The following PASK variants were observed in gnomAD, a reference collection of about 807,000 sequenced individuals.
PASK encodes the protein PAS domain-containing serine/threonine-protein kinase.
A neutral mutation model predicts 121.0 loss-of-function variants in PASK; 110 were observed. The observed-to-expected ratio is 0.91, with a 90% CI of 0.78 to 1.06. The LOEUF (loss-of-function observed/expected upper bound fraction) is 1.06, where lower values mean the gene tolerates loss of function less well. PASK is among the 50% of genes least tolerant of loss of function. The probability of loss-of-function intolerance (pLI) is 0.00; values close to 1 mark genes in which losing one functional copy is unlikely to be tolerated. For missense variants in PASK, 1,643 were observed against 1,702.3 expected (o/e 0.97, Z 0.61); for synonymous variants, 686 against 717.8 (o/e 0.96, Z 0.71).
chr2:241,130,700 G>A (rs1161785809), intron 9 of PASK, among the ~76,000 whole-genome samples: 3 of 152,148 alleles, frequency 2.0e-5, no homozygotes, highest in African/African-American at 7.2e-5. Flanking sequence ...GCCACTCAAC[G>A]CGGACCCACA....
chr2:241,112,592 T>A lies in PASK; in HGVS notation c.3334-153A>T, dbSNP rs1349531074. ...AGGAAAGATTTTTCAATGCTGAAGA[T>A]ATGATTGGAAGCAAACAGGAAACAA... On this transcript the variant is annotated intron_variant, in intron 14 of 17. Coordinates refer to ENST00000234040, the MANE Select transcript of PASK (RefSeq NM_015148.4). The surrounding 1 kb of genome is among the most constrained non-coding windows in gnomAD (Gnocchi z 5.2). 4 of 613,288 alleles carry A rather than the reference T, an allele frequency of 6.5e-6. No individual in the cohort carries two copies. Among genetic ancestry groups the A allele is most frequent in the Admixed American group, 6.0e-5 (2 of 33,558 alleles). 38.0% of individuals were successfully genotyped at this position (613,288 alleles called of 1,614,324 possible).
chr2:241,120,108 T>C (rs1273465968), intron 12 of PASK, among the ~76,000 whole-genome samples: 1 of 152,004 alleles, frequency 6.6e-6, no homozygotes, highest in African/African-American at 2.4e-5. Context: ...GGAGAAAATA[T>C]TTGCAAATCA....
chr2:241,149,778 T>C, upstream of PASK: 1 of 1,536,122 alleles, frequency 6.5e-7, no homozygotes, highest in South Asian at 1.2e-5. Context: ...GGCTCGTTCA[T>C]GGGCCGGGTG....
At chr2:241,140,888 A>C in intron 2 of PASK, 135 bp from the exon 3 acceptor site, 1 of 706,948 alleles carries the variant, frequency 1.4e-6, no homozygotes, top group African/African-American at 1.8e-5. Context: ...CTGCACAGCT[A>C]ACACACACTC....
chr2:241,119,627 G>A (rs1302015129), intron 12 of PASK, among the ~76,000 whole-genome samples: 2 of 152,068 alleles, frequency 1.3e-5, no homozygotes, highest in Admixed American at 6.5e-5. Context: ...CCGCCACCAC[G>A]CCCGGCTAAT....
intron 2 of PASK, among the ~76,000 whole-genome samples, chr2:241,142,004 ACACT>A (rs1408983626): frequency 6.6e-6 from 1 of 152,176 alleles, no homozygotes; most frequent in Non-Finnish European, 1.5e-5. Context: ...ACACCTGTCA[ACACT>A]CACTGAGAAC....
chr2:241,118,841 G>A (rs763729415), intron 12 of PASK: 20 of 739,392 alleles, frequency 2.7e-5, no homozygotes, highest in Non-Finnish European at 3.1e-5. Context: ...TACACACCCC[G>A]CACCCGGTGG....
intron 9 of PASK, among the ~76,000 whole-genome samples, chr2:241,131,124 T>G (rs945136786): frequency 2.6e-5 from 4 of 151,686 alleles, no homozygotes; most frequent in African/African-American, 9.7e-5. Context: ...CTTCTATAAT[T>G]AAAAAAACAC....
intron 9 of PASK, among the ~76,000 whole-genome samples, chr2:241,129,924 C>G (rs2066049112): frequency 6.6e-6 from 1 of 152,224 alleles, no homozygotes; most frequent in Admixed American, 6.5e-5. Context: ...CCTGGGGTCT[C>G]TTCGAGGACC....
Position 241,142,918 on chromosome 2 carries a change from TG to T in PASK, c.114del (p.Ser38ArgfsTer11). On this transcript the variant is annotated frameshift_variant, in exon 2 of 18. Transcript: ENST00000234040. LOFTEE classifies it high-confidence loss of function. ...TGTCTGTGGGCTGAGGAAAACGACCTGCTGGGCTCAGCAGTGGTCTGTGCAG... is the reference window on the plus strand; with the variant it reads ...TGTCTGTGGGCTGAGGAAAACGACCTCTGGGCTCAGCAGTGGTCTGTGCAG... The part of the protein sequence containing the change: ...GPAAQTTAEP[S>X]RSFSSAHRHL... 6.2e-7 allele frequency: 1 copy of T among 1,614,100 alleles called. No individual in the cohort carries two copies. The highest frequency in any genetic ancestry group is 8.5e-7 in the Non-Finnish European group (1 of 1,179,952).
rs776888105 is a variant in PASK at position 241,108,179 on chromosome 2, G to C, written c.3655C>G (p.Leu1219Val). 1.2e-6 allele frequency: 2 copies of C among 1,614,014 alleles called. No individual in the cohort carries two copies. The highest frequency in any genetic ancestry group is 1.7e-5 in the Admixed American group (1 of 60,030). Reference protein sequence around the residue: ...TVEAAIHPPYLVSKELMSLVS... With the variant: ...TVEAAIHPPYVVSKELMSLVS... ...AGCTCACGCTCACCTTTGGACACCA[G>C]GTATGGCGGGTGTATGGCAGCCTCC... The change falls in exon 16 of 18, where the codon CTG becomes GTG. Residue 1219 changes from leucine to valine, a missense_variant. This residue lies in a region of PASK where 453 missense variants were observed against 511.2 expected (regional missense o/e 0.89). Coordinates refer to ENST00000234040, the MANE Select transcript of PASK (RefSeq NM_015148.4). The surrounding 1 kb of genome is among the most constrained non-coding windows in gnomAD (Gnocchi z 5.2).
chr2:241,108,321 C>T lies in PASK; in HGVS notation c.3534-21G>A, dbSNP rs2064971211. The T allele has an allele frequency of 6.2e-7, 1 of 1,613,600 alleles. No homozygotes were observed. Among genetic ancestry groups the T allele is most frequent in the Middle Eastern group, 1.7e-4 (1 of 6,054 alleles). On this transcript the variant is annotated intron_variant, in intron 15 of 17. Transcript: ENST00000234040. This position sits in a 1 kb window ranked among gnomAD's most constrained non-coding sequence, Gnocchi z 5.2. ...TGTAGCTGTGAGGAGGAGGAGGCATCAGGACGCCACGGCACTCAGCGCAGG... is the reference window on the plus strand; with the variant it reads ...TGTAGCTGTGAGGAGGAGGAGGCATTAGGACGCCACGGCACTCAGCGCAGG...
chr2:241,126,201 C>T lies in PASK; in HGVS notation c.2714G>A (p.Arg905Gln), dbSNP rs747062664. 13 of 1,613,872 alleles carry T rather than the reference C, an allele frequency of 8.1e-6. No individual in the cohort carries two copies. The highest frequency in any genetic ancestry group is 2.2e-5 in the East Asian group (1 of 44,892). The part of the protein sequence containing the change: ...SGSCYHRDGL[R>Q]LSIQFEVRRV... ...CTATGGGGCCCGGGACATACTCAGCCGTAAGCCATCTCGATGGTAGCAGCT... is the reference window on the plus strand; with the variant it reads ...CTATGGGGCCCGGGACATACTCAGCTGTAAGCCATCTCGATGGTAGCAGCT... Residue 905 changes from arginine to glutamine, a missense_variant, in exon 10 of 18, where the codon CGG (arginine) becomes CAG (glutamine). Around this residue, in one of 3 missense-constraint regions of PASK, gnomAD observed 14 missense variants for 28.9 expected, o/e 0.48. Transcript: ENST00000234040.
intron 7 of PASK, 83 bp downstream of exon 7, chr2:241,136,921 C>T (rs1230039462): frequency 1.5e-6 from 2 of 1,327,880 alleles, no homozygotes; most frequent in Non-Finnish European, 1.1e-6. Flanking sequence ...GGGTGCGAGG[C>T]CTGTGCCACA....
At chr2:241,145,985 A>T (rs1271852404) in intron 1 of PASK, 1 of 152,140 alleles carries the variant, frequency 6.6e-6, no homozygotes, top group Admixed American at 6.5e-5. Flanking sequence ...CACAAAGAAT[A>T]CCATAAAGAA....
rs777059311 is a variant in PASK at position 241,136,030 on chromosome 2, A to G, written c.1147T>C (p.Phe383Leu). 5.0e-6 allele frequency: 8 copies of G among 1,613,814 alleles called. No homozygotes were observed. The South Asian group carries it at 8.8e-5, about 18-fold the overall frequency. Residue 383 changes from phenylalanine to leucine, a missense_variant, in exon 8 of 18, where the codon TTC (phenylalanine) becomes CTC (leucine). Phe to Leu is a conservative substitution (Grantham distance 22). Around this residue, in one of 3 missense-constraint regions of PASK, gnomAD observed 1,176 missense variants for 1,162.2 expected, o/e 1.01. Transcript: ENST00000234040. ...KTELLGKNIT[F>L]LIPGFYSYMD... Reference sequence around the variant, plus strand: ...TAGCTGTAGAAACCAGGAATCAGGAAAGTGATATTCTAGAAAACAAAGCAG... The same window carrying G: ...TAGCTGTAGAAACCAGGAATCAGGAGAGTGATATTCTAGAAAACAAAGCAG...
intron 4 of PASK, chr2:241,139,682 T>G: frequency 1.4e-6 from 1 of 707,114 alleles, no homozygotes; most frequent in Non-Finnish European, 2.6e-6. Flanking sequence ...ATTCCTGCGA[T>G]GATTCGTTCT....
intron 17 of PASK, 103 bp from the exon 18 acceptor site, chr2:241,106,826 G>A (rs748435091): frequency 8.4e-7 from 1 of 1,184,242 alleles, no homozygotes; most frequent in Non-Finnish European, 1.2e-6. Flanking sequence ...CCTAAGGTGA[G>A]GCCCTCAGAA....
chr2:241,117,184 G>A lies in PASK; in HGVS notation c.3073-1771C>T, dbSNP rs376174292. Among the ~76,000 whole-genome samples, 63 of 152,324 alleles carry A rather than the reference G, an allele frequency of 4.1e-4. 1 individual carries two copies. The East Asian group carries it at 5.0e-3, about 12-fold the overall frequency. On this transcript the variant is annotated intron_variant, in intron 12 of 17. Coordinates refer to ENST00000234040, the MANE Select transcript of PASK (RefSeq NM_015148.4). Reference sequence around the variant, plus strand: ...CTGGGCAACATCCAGGCCTCTCACCGTCATCAGGAGAGAAGGGGGCAACTT... The same window carrying A: ...CTGGGCAACATCCAGGCCTCTCACCATCATCAGGAGAGAAGGGGGCAACTT...
Sources: allele counts gnomAD v4.1 joint callset (sites outside exome capture counted in the v4.1 genomes callset), GRCh38; gene constraint gnomAD v4.1.1; regional missense constraint gnomAD v4.1.1; non-coding constraint Gnocchi (gnomAD v3.1); transcripts MANE v1.5; gene names NCBI Gene and HGNC (gene_info 2026-07-23, HGNC 2026-07-21).